PARD3B: variants seen among roughly 807,000 people sequenced by gnomAD.
PARD3B encodes the protein partitioning defective 3 homolog B.
A neutral mutation model predicts 130.2 loss-of-function variants in PARD3B; 103 were observed. The observed-to-expected ratio is 0.79, with a 90% CI of 0.67 to 0.93. PARD3B has a LOEUF of 0.93. Ranked by LOEUF, PARD3B falls within the 40% of genes least tolerant of loss-of-function variation. PARD3B has a pLI of 0.00. For synonymous variants in PARD3B, 583 were observed against 553.2 expected (o/e 1.05, Z -0.76); for missense variants, 1,609 against 1,499.2 (o/e 1.07, Z -1.21).
intron 2 of PARD3B, among the ~76,000 whole-genome samples, chr2:204,893,508 C>T (rs1023118451): frequency 6.6e-6 from 1 of 152,064 alleles, no homozygotes; most frequent in Non-Finnish European, 1.5e-5. Context: ...GATTCTAAAG[C>T]TGTGCTGTCC....
Position 205,125,885 on chromosome 2 carries a change from G to A in PARD3B, c.1434+148G>A. On this transcript the variant is annotated intron_variant, in intron 10 of 22. Transcript: ENST00000406610. The surrounding 1 kb of genome is among the most constrained non-coding windows in gnomAD (Gnocchi z 4.0). The stretch of plus-strand genomic sequence containing the variant: ...CACTCAGGGTATTTTACCCCATTTG[G>A]GGTATCGCATTTTTAAAACATTGAT... 8.9e-7 allele frequency: 1 copy of A among 1,121,946 alleles called. No homozygotes were observed. The highest frequency in any genetic ancestry group is 1.3e-6 in the Non-Finnish European group (1 of 796,258). 69.5% of individuals were successfully genotyped at this position (1,121,946 alleles called of 1,614,324 possible).
chr2:205,401,225 T>C, intron 19 of PARD3B, 102 bp downstream of exon 19: 3 of 944,850 alleles, frequency 3.2e-6, no homozygotes, highest in African/African-American at 1.6e-5. Flanking sequence ...TTAAGAAGTA[T>C]AGGGGTTGAC....
intron 1 of PARD3B, among the ~76,000 whole-genome samples, chr2:204,579,948 G>A (rs1252823315): frequency 6.6e-6 from 1 of 152,262 alleles, no homozygotes; most frequent in African/African-American, 2.4e-5. Context: ...GTTGTTGGCA[G>A]TTGTGTTTCC....
intron 21 of PARD3B, among the ~76,000 whole-genome samples, chr2:205,519,506 G>A (rs1422679693): frequency 1.3e-5 from 2 of 152,068 alleles, no homozygotes; most frequent in African/African-American, 4.8e-5. Flanking sequence ...TACATTCCTT[G>A]AATTGGGTAT....
At chr2:204,705,618 A>G (rs1416628497) in intron 2 of PARD3B, among the ~76,000 whole-genome samples, 1 of 152,222 alleles carries the variant, frequency 6.6e-6, no homozygotes, top group East Asian at 1.9e-4. Context: ...ATTAACTTCT[A>G]TTTAATAGAT....
chr2:205,551,146 GA>G (rs1343276187), intron 21 of PARD3B, among the ~76,000 whole-genome samples: 4 of 151,262 alleles, frequency 2.6e-5, no homozygotes, highest in Admixed American at 2.6e-4. Context: ...ATAGCTACAA[GA>G]AAAAGTTCAG....
chr2:205,322,585 A>T (rs1200284837), intron 18 of PARD3B, among the ~76,000 whole-genome samples: 1 of 152,228 alleles, frequency 6.6e-6, no homozygotes, highest in East Asian at 1.9e-4. Context: ...ACACTCGTGC[A>T]CATGACCACA....
intron 2 of PARD3B, among the ~76,000 whole-genome samples, chr2:204,709,743 C>A (rs1338898239): frequency 1.3e-5 from 2 of 152,210 alleles, no homozygotes; most frequent in Non-Finnish European, 1.5e-5. Flanking sequence ...ATCAGGCCAA[C>A]AACAATTTCC....
chr2:205,535,687 C>G (rs2051819636), intron 21 of PARD3B, among the ~76,000 whole-genome samples: 1 of 152,180 alleles, frequency 6.6e-6, no homozygotes, highest in Non-Finnish European at 1.5e-5. Flanking sequence ...CCCTATGAGG[C>G]AGTGAGTTCA....
intron 18 of PARD3B, among the ~76,000 whole-genome samples, chr2:205,400,089 T>C (rs1299226841): frequency 6.6e-6 from 1 of 152,178 alleles, no homozygotes; most frequent in African/African-American, 2.4e-5. Flanking sequence ...GGAGTTTACC[T>C]TTAAGTGCCA....
chr2:204,980,277 A>G (rs1038295711), intron 3 of PARD3B, among the ~76,000 whole-genome samples: 1 of 152,214 alleles, frequency 6.6e-6, no homozygotes, highest in African/African-American at 2.4e-5. Flanking sequence ...GCAACAAAAT[A>G]AACAATGTAG....
At chr2:204,621,627 T>G (rs2034306648) in intron 1 of PARD3B, among the ~76,000 whole-genome samples, 1 of 152,202 alleles carries the variant, frequency 6.6e-6, no homozygotes, top group African/African-American at 2.4e-5. Context: ...ATATTTAACT[T>G]TGTAGCTTTA....
chr2:204,905,376 T>C (rs1341233846), intron 2 of PARD3B, among the ~76,000 whole-genome samples: 1 of 152,194 alleles, frequency 6.6e-6, no homozygotes, highest in Non-Finnish European at 1.5e-5. Flanking sequence ...GACCACCCCT[T>C]CCCTGGTCTC....
chr2:205,377,601 G>A (rs1291016978), intron 18 of PARD3B, among the ~76,000 whole-genome samples: 1 of 151,966 alleles, frequency 6.6e-6, no homozygotes, highest in African/African-American at 2.4e-5. Flanking sequence ...TCTGGTAGAA[G>A]CCCACAAGGG....
In PARD3B at chr2:205,125,434, A is replaced by G. The variant is rs1378166565; in HGVS notation, c.1306-175A>G. Among the ~76,000 whole-genome samples the G allele has an allele frequency of 1.3e-5, 2 of 152,242 alleles. No homozygotes were observed. Among genetic ancestry groups the G allele is most frequent in the African/African-American group, 2.4e-5 (1 of 41,472 alleles). ...ACCGACTCTGAGTTCATCCAGCATC[A>G]TGATGATGCATTATGGGAAATATTG... is the stretch of plus-strand genomic sequence containing the variant. On this transcript the variant is annotated intron_variant, in intron 9 of 22. Coordinates refer to ENST00000406610, the MANE Select transcript of PARD3B (RefSeq NM_001302769.2). The surrounding 1 kb of genome is among the most constrained non-coding windows in gnomAD (Gnocchi z 4.0).
intron 10 of PARD3B, among the ~76,000 whole-genome samples, chr2:205,129,057 G>T (rs556023239): frequency 6.6e-6 from 1 of 152,296 alleles, no homozygotes; most frequent in South Asian, 2.1e-4. Context: ...ATTGTTTCTA[G>T]TTCTATACTA....
chr2:205,611,958 G>A (rs1287536819), intron 22 of PARD3B, among the ~76,000 whole-genome samples: 3 of 152,112 alleles, frequency 2.0e-5, no homozygotes, highest in African/African-American at 7.2e-5. Context: ...TTGGCTCAAA[G>A]CACACAGCAT....
At chr2:205,429,216 C>T (rs1332219803) in intron 19 of PARD3B, among the ~76,000 whole-genome samples, 5 of 152,088 alleles carry the variant, frequency 3.3e-5, no homozygotes, top group African/African-American at 7.2e-5. Context: ...GTTCACAATC[C>T]CGTATTCCCC....
intron 2 of PARD3B, among the ~76,000 whole-genome samples, chr2:204,777,740 G>T (rs2041682415): frequency 6.6e-6 from 1 of 152,158 alleles, no homozygotes; most frequent in Non-Finnish European, 1.5e-5. Flanking sequence ...CTGAACTCCA[G>T]CCTGGTGTCA....
Sources: allele counts gnomAD v4.1 joint callset (sites outside exome capture counted in the v4.1 genomes callset), GRCh38; gene constraint gnomAD v4.1.1; non-coding constraint Gnocchi (gnomAD v3.1); transcripts MANE v1.5; gene names NCBI Gene and HGNC (gene_info 2026-07-23, HGNC 2026-07-21).